The following RASSF6 variants were observed in gnomAD, a reference collection of about 807,000 sequenced individuals.
RASSF6 encodes the protein ras association domain-containing protein 6.
RASSF6 carries 52 observed loss-of-function variants against 44.0 expected under a neutral mutation model. The observed-to-expected ratio is 1.18, with a 90% CI of 0.95 to 1.49. The LOEUF is 1.49. Ranked by LOEUF, RASSF6 falls within the 40% of genes most tolerant of loss-of-function variation. RASSF6 has a pLI of 0.00. For missense variants in RASSF6, 464 were observed against 393.3 expected (o/e 1.18, Z -1.52); for synonymous variants, 162 against 124.6 (o/e 1.30, Z -2.00).
chr4:73,614,578 A>G (rs1196404780), intron 1 of RASSF6, among the ~76,000 whole-genome samples: 1 of 152,244 alleles, frequency 6.6e-6, no homozygotes, highest in Non-Finnish European at 1.5e-5. Flanking sequence ...CAAAGTGAAA[A>G]TTGGCAGTGA....
At chr4:73,608,861 A>G (rs1725823712) in intron 2 of RASSF6, among the ~76,000 whole-genome samples, 1 of 152,228 alleles carries the variant, frequency 6.6e-6, no homozygotes, top group Non-Finnish European at 1.5e-5. Context: ...TTCTGGCTGT[A>G]CTGGCCAGGT....
At chr4:73,593,647 A>G (rs554903489) in intron 3 of RASSF6, 54 bp from the exon 4 acceptor site, 5 of 1,547,696 alleles carry the variant, frequency 3.2e-6, no homozygotes, top group Non-Finnish European at 4.4e-6. Context: ...TATAGACGGT[A>G]AATGTTTTAA....
chr4:73,585,940 G>A (rs1231943196), intron 5 of RASSF6, among the ~76,000 whole-genome samples: 6 of 147,934 alleles, frequency 4.1e-5, no homozygotes, highest in Admixed American at 6.7e-5. Context: ...CCATTAACTC[G>A]TCATTTAGCA....
chr4:73,587,644 G>T (rs988379426), intron 5 of RASSF6, among the ~76,000 whole-genome samples, 196 bp downstream of exon 5: 22 of 151,584 alleles, frequency 1.5e-4, no homozygotes, highest in Non-Finnish European at 7.4e-5. Context: ...CCAAAGTAAG[G>T]TTCTTAAACA....
chr4:73,598,568 T>TTTTGTG lies in RASSF6; in HGVS notation c.144+71_144+72insCACAAA, dbSNP rs1553904094. 3.3e-5 allele frequency: 17 copies of TTTTGTG among 516,010 alleles called. No individual in the cohort carries two copies. The African/African-American group carries it at 3.4e-4, about 10-fold the overall frequency. 32.0% of individuals were successfully genotyped at this position (516,010 alleles called of 1,614,324 possible). ...AAACTTTCACCTGTTTCTTCCAGAA[T>TTTTGTG]TGTGTGTGTGTGTGTGTGCACGCAT... On this transcript the variant is annotated intron_variant, in intron 3 of 10. Coordinates refer to ENST00000307439, the MANE Select transcript of RASSF6 (RefSeq NM_177532.5).
intron 2 of RASSF6, among the ~76,000 whole-genome samples, chr4:73,599,618 T>A (rs1397475206): frequency 1.3e-5 from 2 of 152,162 alleles, no homozygotes; most frequent in Non-Finnish European, 2.9e-5. Flanking sequence ...TCTATCTTTC[T>A]CTCAGTGTCT....
intron 3 of RASSF6, among the ~76,000 whole-genome samples, chr4:73,596,088 G>GA (rs202006861): frequency 5.3e-5 from 8 of 152,016 alleles, no homozygotes; most frequent in Non-Finnish European, 1.0e-4. Context: ...TAAATAAAAA[G>GA]AAAAAAAGTA....
At chr4:73,604,095 C>T (rs1725462666) in intron 2 of RASSF6, 1 of 152,184 alleles carries the variant, frequency 6.6e-6, no homozygotes, top group African/African-American at 2.4e-5. Flanking sequence ...GCATGTTTAT[C>T]CCCTGGCTGT....
At chr4:73,605,062 G>A (rs547930610) in intron 2 of RASSF6, among the ~76,000 whole-genome samples, 111 of 151,588 alleles carry the variant, frequency 7.3e-4, no homozygotes, top group African/African-American at 2.3e-3. Context: ...GCTAATTTTC[G>A]TATTTTCAGT....
intron 3 of RASSF6, among the ~76,000 whole-genome samples, chr4:73,594,039 G>A (rs562206278): frequency 6.6e-6 from 1 of 152,204 alleles, no homozygotes; most frequent in African/African-American, 2.4e-5. Context: ...ACAAAGTTAT[G>A]CAAAACAAGT....
At chr4:73,582,432 T>A in intron 6 of RASSF6, 142 bp from the exon 7 acceptor site, 1 of 454,708 alleles carries the variant, frequency 2.2e-6, no homozygotes, top group South Asian at 4.7e-5. Flanking sequence ...TTTGTTTTTC[T>A]TTGTTGTTTT....
intron 1 of RASSF6, chr4:73,615,820 G>C: frequency 7.9e-7 from 1 of 1,272,828 alleles, no homozygotes; most frequent in South Asian, 1.3e-5. Flanking sequence ...TAGCGTTCCA[G>C]CAATGCTGGA....
intron 8 of RASSF6, among the ~76,000 whole-genome samples, chr4:73,581,587 A>G (rs1472242398): frequency 4.6e-5 from 7 of 152,206 alleles, no homozygotes; most frequent in Admixed American, 3.3e-4. Flanking sequence ...TGTCTGGCCA[A>G]CAAGCAAACT....
In RASSF6 at chr4:73,598,691, G is replaced by A; in HGVS notation, c.93C>T (p.Thr31=). The A allele has an allele frequency of 1.4e-6, 2 of 1,479,950 alleles. No individual in the cohort carries two copies. The highest frequency in any genetic ancestry group is 1.2e-5 in the South Asian group (1 of 81,226). The allele number at this position is 1,479,950 out of a possible 1,614,324, so 91.7% of individuals were successfully genotyped here. A position where few individuals can be genotyped will look rare whatever the true frequency, so the allele number is the denominator to read the frequency against. ...TREQLNSLLK[T]YNIFYENQKN... ...TCTGGTTCTCATAAAAAATGTTATAGGTCTTCAATAAAGAATTAAGTTGTT... is the reference window on the plus strand; with the variant it reads ...TCTGGTTCTCATAAAAAATGTTATAAGTCTTCAATAAAGAATTAAGTTGTT... The change falls in exon 3 of 11, where the codon ACC becomes ACT. Residue 31 remains threonine (T), a synonymous_variant. Coordinates refer to ENST00000307439, the MANE Select transcript of RASSF6 (RefSeq NM_177532.5).
intron 8 of RASSF6, among the ~76,000 whole-genome samples, chr4:73,581,476 A>G (rs1314112531): frequency 1.3e-5 from 2 of 152,184 alleles, no homozygotes; most frequent in Non-Finnish European, 2.9e-5. Context: ...TCTAAGAGCA[A>G]CACTCAGAAA....
rs373810186 is a variant in RASSF6, at chr4:73,585,365, C to T, written c.383-1G>A. The T allele has an allele frequency of 6.3e-7, 1 of 1,575,562 alleles. No homozygotes were observed. Among genetic ancestry groups the T allele is most frequent in the East Asian group, 2.3e-5 (1 of 44,436 alleles). On this transcript the variant is annotated splice_acceptor_variant, in intron 5 of 10. Coordinates refer to ENST00000307439, the MANE Select transcript of RASSF6 (RefSeq NM_177532.5). LOFTEE classifies it high-confidence loss of function. ...GTGTTGCTGTGATAAGATAAATAGT[C>T]TGGGAAGAATAGATTATAAGCTCAT...
At chr4:73,604,101 G>A (rs1725463401) in intron 2 of RASSF6, 1 of 152,180 alleles carries the variant, frequency 6.6e-6, no homozygotes, top group Non-Finnish European at 1.5e-5. Flanking sequence ...TTATCCCCTG[G>A]CTGTGCTTCC....
chr4:73,587,983 G>T, intron 4 of RASSF6, 49 bp from the exon 5 acceptor site: 1 of 1,200,328 alleles, frequency 8.3e-7, no homozygotes, highest in Non-Finnish European at 1.2e-6. Context: ...TTATATTGAA[G>T]CCTATGATGG....
At chr4:73,590,879 G>A (rs899947658) in intron 4 of RASSF6, among the ~76,000 whole-genome samples, 3 of 152,176 alleles carry the variant, frequency 2.0e-5, no homozygotes, top group Non-Finnish European at 4.4e-5. Context: ...GCCAATTCCT[G>A]TTTGCTTCAC....
Sources: allele counts gnomAD v4.1 joint callset (sites outside exome capture counted in the v4.1 genomes callset), GRCh38; gene constraint gnomAD v4.1.1; transcripts MANE v1.5; gene names NCBI Gene and HGNC (gene_info 2026-07-23, HGNC 2026-07-21).